Variants in PTPRZ1 observed in about 807,000 individuals in gnomAD.
The protein encoded by PTPRZ1 is protein tyrosine phosphatase receptor type Z1, also known as receptor-type tyrosine-protein phosphatase zeta.
Under a neutral mutation model 214.1 loss-of-function variants are expected in PTPRZ1, and 82 were observed. That is an observed-to-expected ratio of 0.38 (90% CI 0.32 to 0.46). The LOEUF (loss-of-function observed/expected upper bound fraction) is 0.46. Among genes scored for constraint, PTPRZ1 ranks in the 20% least tolerant of loss-of-function variants. PTPRZ1 has a pLI of 1.00. For missense variants in PTPRZ1, 2,603 were observed against 2,748.7 expected, an observed-to-expected ratio of 0.95 and a Z score of 1.19; for synonymous variants, 945 against 987.9, an observed-to-expected ratio of 0.96 and a Z score of 0.81.
chr7:122,036,783 G>A (rs1419102324), intron 18 of PTPRZ1, 101 bp downstream of exon 18: 4 of 716,824 alleles, frequency 5.6e-6, no homozygotes, highest in African/African-American at 1.8e-5. Context: ...TTAATGTCAT[G>A]TTATTCGATA....
chr7:121,963,033 A>AT (rs1382753739), intron 2 of PTPRZ1, among the ~76,000 whole-genome samples: 1 of 152,004 alleles, frequency 6.6e-6, no homozygotes, highest in African/African-American at 2.4e-5. Context: ...AAAAAAAATC[A>AT]TTTTTTAAGT....
At chr7:121,929,603 C>G (rs778984135) in intron 2 of PTPRZ1, among the ~76,000 whole-genome samples, 1 of 150,540 alleles carries the variant, frequency 6.6e-6, no homozygotes, top group Non-Finnish European at 1.5e-5. Context: ...GTCAGGAGTT[C>G]GAGATCAGCC....
chr7:121,986,334 T>G lies in PTPRZ1; in HGVS notation c.928+2217T>G, dbSNP rs1298800809. Among the ~76,000 whole-genome samples, 4 of 152,218 alleles carry G rather than the reference T, an allele frequency of 2.6e-5. No individual in the cohort carries two copies. In the East Asian group the frequency reaches 7.7e-4, roughly 29 times the overall value. On this transcript the variant is annotated intron_variant, in intron 8 of 29. Coordinates refer to ENST00000393386, the MANE Select transcript of PTPRZ1 (RefSeq NM_002851.3). ...GTCAGTATTTGAACCCAAGTCTCCC[T>G]GAATCTAAAGCTTTGCAAACTTCTG...
At chr7:121,979,260 A>G (rs1009946644) in intron 6 of PTPRZ1, among the ~76,000 whole-genome samples, 16 of 151,796 alleles carry the variant, frequency 1.1e-4, no homozygotes, top group African/African-American at 3.9e-4. Flanking sequence ...TATCCTATCC[A>G]TGGAGTGGAG....
intron 1 of PTPRZ1, among the ~76,000 whole-genome samples, chr7:121,919,526 C>G (rs961396821): frequency 1.3e-4 from 19 of 151,892 alleles, no homozygotes; most frequent in African/African-American, 4.6e-4. Context: ...TTCATAATAT[C>G]CTTTTCTTCA....
chr7:122,003,698 T>C (rs932481559), intron 10 of PTPRZ1, among the ~76,000 whole-genome samples: 2 of 152,198 alleles, frequency 1.3e-5, no homozygotes, highest in African/African-American at 4.8e-5. Flanking sequence ...ATTATAATAA[T>C]GCTCAAACCT....
At chr7:122,040,114 T>C (rs1277463513) in intron 20 of PTPRZ1, among the ~76,000 whole-genome samples, 2 of 152,208 alleles carry the variant, frequency 1.3e-5, no homozygotes, top group African/African-American at 4.8e-5. Context: ...TTAAAGTGAA[T>C]GTGATACATG....
intron 21 of PTPRZ1, among the ~76,000 whole-genome samples, chr7:122,041,195 A>T (rs1799721447): frequency 6.6e-6 from 1 of 152,152 alleles, no homozygotes; most frequent in Non-Finnish European, 1.5e-5. Flanking sequence ...ATATTTTTTG[A>T]TGTTGATTAT....
chr7:122,042,531 A>C, intron 21 of PTPRZ1, 77 bp from the exon 22 acceptor site: 1 of 1,368,888 alleles, frequency 7.3e-7, no homozygotes, highest in Non-Finnish European at 9.8e-7. Context: ...AATCAACATG[A>C]CAACCAGTAG....
intron 12 of PTPRZ1, among the ~76,000 whole-genome samples, chr7:122,017,538 C>CATTTATTTATTTATTT (rs3069214): frequency 0.013 from 1,858 of 140,138 alleles, 26 homozygotes; most frequent in African/African-American, 0.026. Context: ...TGATACATTA[C>CATTTATTTATTTATTT]ATTTATTTAT....
chr7:121,944,486 A>G (rs1489846861), intron 2 of PTPRZ1, among the ~76,000 whole-genome samples: 2 of 152,180 alleles, frequency 1.3e-5, no homozygotes, highest in African/African-American at 4.8e-5. Flanking sequence ...TTTTTAAAAT[A>G]GGATCTGAAT....
intron 12 of PTPRZ1, among the ~76,000 whole-genome samples, chr7:122,015,145 T>G (rs1798807873): frequency 6.6e-6 from 1 of 152,200 alleles, no homozygotes; most frequent in Non-Finnish European, 1.5e-5. Context: ...CTATTAAGTA[T>G]AGAAAAGTAA....
At chr7:121,947,447 G>T (rs1796418929) in intron 2 of PTPRZ1, among the ~76,000 whole-genome samples, 1 of 152,002 alleles carries the variant, frequency 6.6e-6, no homozygotes, top group South Asian at 2.1e-4. Context: ...TAATATCATA[G>T]AGCTCACAAA....
chr7:122,001,791 C>A lies in PTPRZ1; in HGVS notation c.1241-2823C>A, dbSNP rs1460525905. ...CCAAAACAAAACCAGAATGAGTCAA[C>A]AGTTTTTGTTCAGTTATTACAAAAA... On this transcript the variant is annotated intron_variant, in intron 10 of 29. Coordinates refer to ENST00000393386, the MANE Select transcript of PTPRZ1 (RefSeq NM_002851.3). Among the ~76,000 whole-genome samples, 3 of 152,010 alleles carry A rather than the reference C, an allele frequency of 2.0e-5. No homozygotes were observed. The East Asian group carries it at 5.8e-4, about 29-fold the overall frequency.
chr7:121,936,409 T>G (rs1344452655), intron 2 of PTPRZ1, among the ~76,000 whole-genome samples: 3 of 152,230 alleles, frequency 2.0e-5, no homozygotes, highest in African/African-American at 4.8e-5. Context: ...GAATACCATG[T>G]GACAACTAAA....
chr7:121,945,206 G>A (rs1796337628), intron 2 of PTPRZ1, among the ~76,000 whole-genome samples: 2 of 152,092 alleles, frequency 1.3e-5, no homozygotes, highest in South Asian at 2.1e-4. Flanking sequence ...AAGACTAAGT[G>A]CCCCAGATGG....
At chr7:122,007,537 T>C (rs1014262411) in intron 11 of PTPRZ1, among the ~76,000 whole-genome samples, 6 of 152,262 alleles carry the variant, frequency 3.9e-5, no homozygotes, top group African/African-American at 1.4e-4. Context: ...TGAAAACACT[T>C]CTTAACCAAT....
At chr7:122,025,276 A>T (rs1321308285) in intron 13 of PTPRZ1, among the ~76,000 whole-genome samples, 2 of 151,820 alleles carry the variant, frequency 1.3e-5, no homozygotes, top group East Asian at 3.9e-4. Context: ...GGAAATGAAG[A>T]TTACTCTTAG....
At chr7:121,956,447 G>T (rs1584680313) in intron 2 of PTPRZ1, among the ~76,000 whole-genome samples, 1 of 152,190 alleles carries the variant, frequency 6.6e-6, no homozygotes, top group East Asian at 1.9e-4. Flanking sequence ...GCACTGAGCA[G>T]GGAAAGTTTT....
Sources: allele counts gnomAD v4.1 joint callset (sites outside exome capture counted in the v4.1 genomes callset), GRCh38; gene constraint gnomAD v4.1.1; transcripts MANE v1.5; gene names NCBI Gene and HGNC (gene_info 2026-07-23, HGNC 2026-07-21).